Variants in FOXP1 observed in about 807,000 individuals in gnomAD.
The protein encoded by FOXP1 is forkhead box protein P1.
FOXP1 carries 15 observed loss-of-function variants against 98.2 expected under a neutral mutation model. The ratio of observed to expected loss-of-function variants is 0.15; its 90% confidence interval spans 0.10 to 0.24. FOXP1 has a LOEUF of 0.24. Ranked by LOEUF, FOXP1 falls within the 10% of genes least tolerant of loss-of-function variation. FOXP1 has a pLI of 1.00. For missense variants in FOXP1, 633 were observed against 848.5 expected, an observed-to-expected ratio of 0.75 and a Z score of 3.15; for synonymous variants, 371 against 314.5, an observed-to-expected ratio of 1.18 and a Z score of -1.90.
chr3:71,130,970 A>G, intron 6 of FOXP1: 1 of 1,169,932 alleles, frequency 8.5e-7, no homozygotes, highest in African/African-American at 1.6e-5. Flanking sequence ...CACGCAGACA[A>G]ATACACACCA....
intron 5 of FOXP1, among the ~76,000 whole-genome samples, chr3:71,275,105 A>G (rs546387607): frequency 7.2e-5 from 11 of 152,334 alleles, no homozygotes; most frequent in East Asian, 3.9e-4. Flanking sequence ...ATACAATCAC[A>G]TAAGTATTTT....
chr3:71,145,013 C>T (rs1329414973), intron 6 of FOXP1, among the ~76,000 whole-genome samples: 1 of 152,102 alleles, frequency 6.6e-6, no homozygotes, highest in Non-Finnish European at 1.5e-5. Flanking sequence ...AGAGTTCATC[C>T]CTTATTCTTG....
chr3:71,241,376 C>T (rs1576548764), intron 5 of FOXP1, among the ~76,000 whole-genome samples: 1 of 152,270 alleles, frequency 6.6e-6, no homozygotes, highest in East Asian at 1.9e-4. Flanking sequence ...GGTCCCAAGT[C>T]TGACTTAGGG....
intron 5 of FOXP1, among the ~76,000 whole-genome samples, chr3:71,211,178 A>G (rs950022698): frequency 1.7e-4 from 26 of 152,064 alleles, no homozygotes; most frequent in African/African-American, 5.8e-4. Flanking sequence ...GTGGTGTTAC[A>G]CTTGCCCTAA....
intron 6 of FOXP1, among the ~76,000 whole-genome samples, chr3:71,188,003 C>T (rs920844838): frequency 6.6e-6 from 1 of 152,052 alleles, no homozygotes; most frequent in Admixed American, 6.6e-5. Context: ...ATCATGCAGC[C>T]CTGAAAAATT....
intron 4 of FOXP1, among the ~76,000 whole-genome samples, chr3:71,301,068 G>T (rs1330641575): frequency 6.6e-6 from 1 of 152,162 alleles, no homozygotes; most frequent in Non-Finnish European, 1.5e-5. Flanking sequence ...ATTGGAAAAA[G>T]ACGCAGGCTC....
At chr3:71,353,032 G>A (rs991529307) in intron 4 of FOXP1, among the ~76,000 whole-genome samples, 8 of 152,162 alleles carry the variant, frequency 5.3e-5, no homozygotes, top group African/African-American at 1.7e-4. Flanking sequence ...GACAAAGACA[G>A]GACACAGGCT....
intron 2 of FOXP1, among the ~76,000 whole-genome samples, chr3:71,514,248 T>C (rs1450873538): frequency 1.3e-5 from 2 of 152,212 alleles, no homozygotes; most frequent in African/African-American, 4.8e-5. Context: ...TCCCTCTGCC[T>C]GGAATGTTCT....
chr3:71,204,912 T>A (rs1018326915), intron 5 of FOXP1, among the ~76,000 whole-genome samples: 2 of 152,172 alleles, frequency 1.3e-5, no homozygotes, highest in Non-Finnish European at 2.9e-5. Flanking sequence ...CCGGGTCCCA[T>A]TTCATGGAAA....
At chr3:71,329,460 T>TC (rs34589057) in intron 4 of FOXP1, among the ~76,000 whole-genome samples, 92,848 of 151,158 alleles carry the variant, frequency 0.61, 31,366 homozygotes, top group East Asian at 0.9. Context: ...TACCTCGTGA[T>TC]CACCCGTCTC....
intron 7 of FOXP1, among the ~76,000 whole-genome samples, chr3:71,058,223 C>T (rs902538533): frequency 2.0e-5 from 3 of 152,096 alleles, no homozygotes; most frequent in African/African-American, 7.2e-5. Context: ...CTTCTCTCTT[C>T]AGTTTACACT....
At chr3:71,126,896 A>T (rs1461794721) in intron 6 of FOXP1, among the ~76,000 whole-genome samples, 1 of 151,870 alleles carries the variant, frequency 6.6e-6, no homozygotes, top group Non-Finnish European at 1.5e-5. Flanking sequence ...AAAACAAAAA[A>T]AAAAAGAAAG....
At chr3:71,453,024 TTACTC>T (rs1430970244) in intron 3 of FOXP1, among the ~76,000 whole-genome samples, 1 of 152,184 alleles carries the variant, frequency 6.6e-6, no homozygotes, top group African/African-American at 2.4e-5. Context: ...GCCTAGTTCT[TTACTC>T]TTCTCACCCC....
chr3:71,553,818 T>C (rs139872732), intron 2 of FOXP1, among the ~76,000 whole-genome samples: 1 of 152,342 alleles, frequency 6.6e-6, no homozygotes, highest in African/African-American at 2.4e-5. Flanking sequence ...TACTTATTTG[T>C]ATTCAACATT....
chr3:71,575,492 C>T (rs1478804178), intron 2 of FOXP1, among the ~76,000 whole-genome samples: 1 of 152,042 alleles, frequency 6.6e-6, no homozygotes, highest in African/African-American at 2.4e-5. Context: ...GGTAGGTGAG[C>T]GAGGACCTCA....
intron 3 of FOXP1, among the ~76,000 whole-genome samples, chr3:71,427,102 A>C (rs1484997679): frequency 6.6e-6 from 1 of 150,378 alleles, no homozygotes; most frequent in African/African-American, 2.4e-5. Context: ...TTTTTCATAT[A>C]ATCACCCCAA....
chr3:71,453,681 C>T (rs760722495), intron 3 of FOXP1, among the ~76,000 whole-genome samples: 10 of 152,072 alleles, frequency 6.6e-5, no homozygotes, highest in Admixed American at 2.6e-4. Context: ...ATCTTATTCT[C>T]GTTGAAGAAA....
chr3:71,459,887 T>C (rs2087861243), intron 3 of FOXP1, among the ~76,000 whole-genome samples: 1 of 152,142 alleles, frequency 6.6e-6, no homozygotes, highest in Admixed American at 6.5e-5. Context: ...AGAAGAAAGA[T>C]TACGTGCCAT....
At chr3:71,154,598 G>A (rs753958789) in intron 6 of FOXP1, among the ~76,000 whole-genome samples, 9 of 152,196 alleles carry the variant, frequency 5.9e-5, no homozygotes, top group African/African-American at 9.7e-5. Context: ...AATATTGGGC[G>A]GAGGCAAAGA....
Sources: allele counts gnomAD v4.1 joint callset (sites outside exome capture counted in the v4.1 genomes callset), GRCh38; gene constraint gnomAD v4.1.1; transcripts MANE v1.5; gene names NCBI Gene and HGNC (gene_info 2026-07-23, HGNC 2026-07-21).